The following PDE4C variants were observed in gnomAD, a reference collection of about 807,000 sequenced individuals.
PDE4C encodes phosphodiesterase 4C.
A neutral mutation model predicts 63.9 loss-of-function variants in PDE4C; 50 were observed. The ratio of observed to expected loss-of-function variants is 0.78; its 90% CI spans 0.62 to 0.99. The LOEUF (loss-of-function observed/expected upper bound fraction) is 0.99, where lower values mean the gene tolerates loss of function less well. Ranked by LOEUF, PDE4C falls within the 50% of genes least tolerant of loss-of-function variation. The pLI is 0.00. For missense variants in PDE4C, 777 were observed against 899.1 expected, an observed-to-expected ratio of 0.86 and a Z score of 1.74; for synonymous variants, 377 against 385.1, an observed-to-expected ratio of 0.98 and a Z score of 0.25.
chr19:18,243,502 G>A (rs1338494811), intron 1 of PDE4C, among the ~76,000 whole-genome samples: 1 of 62,438 alleles, frequency 1.6e-5, no homozygotes, highest in Non-Finnish European at 2.6e-5. Flanking sequence ...CTTGCATGGG[G>A]AAAATTGGGG....
intron 1 of PDE4C, chr19:18,225,483 T>TGGAGA (rs1447630184): frequency 6.6e-6 from 1 of 152,278 alleles, no homozygotes; most frequent in East Asian, 1.9e-4. Context: ...GCTATGACCT[T>TGGAGA]GGAGAGGGAC....
chr19:18,217,717 C>T (rs778081928), intron 11 of PDE4C, among the ~76,000 whole-genome samples: 7 of 152,006 alleles, frequency 4.6e-5, no homozygotes, highest in South Asian at 2.1e-4. Context: ...GGTAACAGAG[C>T]GAAACCCTGT....
intron 1 of PDE4C, among the ~76,000 whole-genome samples, chr19:18,241,040 C>T (rs973723737): frequency 3.3e-5 from 5 of 151,862 alleles, no homozygotes; most frequent in Admixed American, 6.6e-5. Flanking sequence ...ACAACTTGTC[C>T]CCACCCTTTC....
At chr19:18,219,793 C>G (rs1215886768) in intron 7 of PDE4C, 33 of 212,272 alleles carry the variant, frequency 1.6e-4, no homozygotes. Context: ...ACTGCACTCC[C>G]GCCTAGGCAA....
chr19:18,214,414 G>A (rs936912598), intron 12 of PDE4C, among the ~76,000 whole-genome samples: 1 of 152,008 alleles, frequency 6.6e-6, no homozygotes, highest in African/African-American at 2.4e-5. Context: ...GGAAGAGTTG[G>A]GTACATGGGA....
exon 15 of PDE4C, chr19:18,210,847 G>A (rs1266620687): frequency 1.3e-6 from 2 of 1,509,964 alleles, no homozygotes; most frequent in African/African-American, 1.4e-5. Context: ...GAGCCACATG[G>A]AGCCTCTTCC....
intron 1 of PDE4C, among the ~76,000 whole-genome samples, chr19:18,239,204 T>C (rs568810399): frequency 6.6e-6 from 1 of 152,164 alleles, no homozygotes; most frequent in South Asian, 2.1e-4. Flanking sequence ...GTTAAGTAAC[T>C]AGAGCCCAAG....
chr19:18,220,853 G>T lies in PDE4C; in HGVS notation c.499+21C>A. On this transcript the variant is annotated intron_variant, in intron 5 of 14. Transcript: ENST00000262805. This position sits in a 1 kb window ranked among gnomAD's most constrained non-coding sequence, Gnocchi z 5.1. Reference sequence around the variant, plus strand: ...GCTCCCAGCTGTCCTCAGCGGGGGAGGGAAGGAACAGGTACTTTACCTGCA... The same window carrying T: ...GCTCCCAGCTGTCCTCAGCGGGGGATGGAAGGAACAGGTACTTTACCTGCA... 1 of 1,604,826 alleles carries T rather than the reference G, an allele frequency of 6.2e-7. No individual in the cohort carries two copies. The highest frequency in any genetic ancestry group is 8.5e-7 in the Non-Finnish European group (1 of 1,176,316).
At chr19:18,242,745 A>G (rs1969063978) in intron 1 of PDE4C, among the ~76,000 whole-genome samples, 1 of 143,510 alleles carries the variant, frequency 7.0e-6, no homozygotes, top group South Asian at 2.3e-4. Context: ...AGATCGCACC[A>G]CTGCACTCTA....
chr19:18,230,814 C>A (rs1444503893), upstream of PDE4C, among the ~76,000 whole-genome samples: 2 of 152,188 alleles, frequency 1.3e-5, no homozygotes, highest in African/African-American at 4.8e-5. Context: ...CCTTCTCCAC[C>A]TGGTATGAGT....
At chr19:18,239,387 C>T (rs574418233) in intron 1 of PDE4C, among the ~76,000 whole-genome samples, 2 of 152,288 alleles carry the variant, frequency 1.3e-5, no homozygotes, top group African/African-American at 4.8e-5. Context: ...GGAGTGTGAG[C>T]TCTTCAGCGC....
intron 2 of PDE4C, among the ~76,000 whole-genome samples, chr19:18,221,589 C>A (rs1337149985): frequency 1.3e-5 from 2 of 151,324 alleles, no homozygotes; most frequent in African/African-American, 4.9e-5. Context: ...TCTTCATTTG[C>A]TGCTAATTGG....
chr19:18,245,372 C>T (rs773812445), intron 1 of PDE4C, among the ~76,000 whole-genome samples: 1 of 151,410 alleles, frequency 6.6e-6, no homozygotes, highest in African/African-American at 2.4e-5. Context: ...TCCAGGTTGG[C>T]GAGGCTGGTC....
At chr19:18,213,229 A>T (rs1968039858) in intron 13 of PDE4C, 139 bp downstream of exon 13, 1 of 623,184 alleles carries the variant, frequency 1.6e-6, no homozygotes, top group Admixed American at 3.6e-5. Context: ...GCTTGCACTG[A>T]GCCAAGATGG....
chr19:18,212,519 G>A (rs1361826776), intron 13 of PDE4C, among the ~76,000 whole-genome samples: 1 of 146,868 alleles, frequency 6.8e-6, no homozygotes, highest in Admixed American at 6.9e-5. Flanking sequence ...CAGTTGCCCA[G>A]GCTGGAGTGC....
At chr19:18,226,157 GC>G in intron 1 of PDE4C, 112 bp downstream of exon 1, 1 of 809,440 alleles carries the variant, frequency 1.2e-6, no homozygotes, top group South Asian at 1.5e-5. Flanking sequence ...GAGCGTCCAA[GC>G]CCGGACTCCG....
intron 1 of PDE4C, among the ~76,000 whole-genome samples, chr19:18,242,500 A>AT (rs71164383): frequency 6.7e-6 from 1 of 148,494 alleles, no homozygotes; most frequent in African/African-American, 2.5e-5. Flanking sequence ...AAAAAAAAAA[A>AT]GCCAGGCACA....
intron 2 of PDE4C, among the ~76,000 whole-genome samples, 192 bp from the exon 3 acceptor site, chr19:18,221,489 G>A (rs185205825): frequency 2.0e-5 from 3 of 152,092 alleles, no homozygotes; most frequent in African/African-American, 4.8e-5. Flanking sequence ...TCACTTTATC[G>A]GCATCTCATA....
chr19:18,233,689 G>A (rs758813007), upstream of PDE4C: 5 of 356,840 alleles, frequency 1.4e-5, no homozygotes, highest in Admixed American at 3.7e-5. Flanking sequence ...CCGGGTGGAT[G>A]AGACAGCGAA....
Sources: allele counts gnomAD v4.1 joint callset (sites outside exome capture counted in the v4.1 genomes callset), GRCh38; gene constraint gnomAD v4.1.1; non-coding constraint Gnocchi (gnomAD v3.1); transcripts MANE v1.5; gene names NCBI Gene and HGNC (gene_info 2026-07-23, HGNC 2026-07-21).